OTUD7A: variants seen among roughly 807,000 people sequenced by gnomAD.
OTUD7A encodes the protein OTU domain-containing protein 7A.
A neutral mutation model predicts 65.7 loss-of-function variants in OTUD7A; 12 were observed. The observed-to-expected ratio is 0.18, with a 90% CI of 0.12 to 0.30. The LOEUF is 0.30. OTUD7A is among the 10% of genes least tolerant of loss of function. The pLI is 1.00. For synonymous variants in OTUD7A, 641 were observed against 586.3 expected, an observed-to-expected ratio of 1.09 and a Z score of -1.35; for missense variants, 1,148 against 1,304.8, an observed-to-expected ratio of 0.88 and a Z score of 1.85.
At chr15:31,771,495 C>T (rs763125756) in intron 1 of OTUD7A, among the ~76,000 whole-genome samples, 22 of 152,172 alleles carry the variant, frequency 1.4e-4, no homozygotes, top group Non-Finnish European at 2.6e-4. Flanking sequence ...CCTTGCATCA[C>T]GTATGCAATT....
At chr15:31,486,947 T>C (rs1363627297) in intron 12 of OTUD7A, among the ~76,000 whole-genome samples, 1 of 152,190 alleles carries the variant, frequency 6.6e-6, no homozygotes, top group Non-Finnish European at 1.5e-5. Flanking sequence ...TACATGTGTG[T>C]ACACAGCCAC....
At chr15:31,639,509 G>A (rs1172112211) in intron 3 of OTUD7A, among the ~76,000 whole-genome samples, 2 of 148,958 alleles carry the variant, frequency 1.3e-5, no homozygotes, top group Non-Finnish European at 3.0e-5. Context: ...AAAGGCTTTC[G>A]GTTTTCTTAA....
intron 4 of OTUD7A, among the ~76,000 whole-genome samples, chr15:31,563,358 T>A (rs1341377385): frequency 6.6e-6 from 1 of 152,178 alleles, no homozygotes; most frequent in Non-Finnish European, 1.5e-5. Flanking sequence ...GAAGGGGTGG[T>A]TCCTCTGGAG....
At chr15:31,855,120 C>G (rs1250542199) in intron 1 of OTUD7A, among the ~76,000 whole-genome samples, 2 of 151,650 alleles carry the variant, frequency 1.3e-5, no homozygotes, top group African/African-American at 2.4e-5. Context: ...TACAAGAAAA[C>G]TTCTGAAATA....
At chr15:31,602,848 A>C (rs1236817234) in intron 3 of OTUD7A, among the ~76,000 whole-genome samples, 9 of 152,158 alleles carry the variant, frequency 5.9e-5, no homozygotes, top group Non-Finnish European at 1.0e-4. Context: ...CACAATTGCT[A>C]CTAAGGGAAT....
At chr15:31,802,097 GTA>G (rs879678129) in intron 1 of OTUD7A, among the ~76,000 whole-genome samples, 1,688 of 67,282 alleles carry the variant, frequency 0.025, 27 homozygotes, top group African/African-American at 0.065. Flanking sequence ...ATATGTGTGT[GTA>G]TATATGTGTG....
intron 10 of OTUD7A, among the ~76,000 whole-genome samples, chr15:31,496,503 T>C (rs1052585774): frequency 3.3e-5 from 5 of 152,214 alleles, no homozygotes; most frequent in Non-Finnish European, 7.4e-5. Flanking sequence ...ATTACAGGCA[T>C]GAGCCACCGC....
intron 1 of OTUD7A, among the ~76,000 whole-genome samples, chr15:31,673,173 C>T (rs1201711412): frequency 6.6e-6 from 1 of 152,166 alleles, no homozygotes; most frequent in African/African-American, 2.4e-5. Flanking sequence ...ATCGTTAAGT[C>T]CAGAAGCTCC....
intron 1 of OTUD7A, among the ~76,000 whole-genome samples, chr15:31,869,859 T>C (rs1016647820): frequency 1.3e-5 from 2 of 152,196 alleles, no homozygotes; most frequent in African/African-American, 4.8e-5. Context: ...AAAGGAGCAC[T>C]TAAAGCACCG....
At chr15:31,787,582 T>C (rs1895707377) in intron 1 of OTUD7A, 1 of 152,294 alleles carries the variant, frequency 6.6e-6, no homozygotes, top group African/African-American at 2.4e-5. Context: ...CATCAACAAC[T>C]TTCTCAACAT....
At chr15:31,707,942 T>C (rs1893345082) in intron 1 of OTUD7A, among the ~76,000 whole-genome samples, 2 of 152,078 alleles carry the variant, frequency 1.3e-5, no homozygotes, top group South Asian at 2.1e-4. Context: ...AAATATAATA[T>C]ATACAAAGTA....
intron 3 of OTUD7A, among the ~76,000 whole-genome samples, chr15:31,638,378 C>CTTTTTT (rs34239466): frequency 7.4e-6 from 1 of 134,574 alleles, no homozygotes. Flanking sequence ...ATAAAGATAA[C>CTTTTTT]TTTTTTTTTT....
Position 31,484,470 on chromosome 15 carries a change from G to GAGGCCGCCC in OTUD7A, c.1617_1625dup (p.Gly543_Leu545dup), listed in dbSNP as rs1424664826. 1.2e-6 allele frequency: 2 copies of GAGGCCGCCC among 1,606,236 alleles called. No homozygotes were observed. Among genetic ancestry groups the GAGGCCGCCC allele is most frequent in the Admixed American group, 1.7e-5 (1 of 60,020 alleles). On this transcript the variant is annotated inframe_insertion, in exon 13 of 13. Coordinates refer to ENST00000307050, the MANE Select transcript of OTUD7A (RefSeq NM_001382637.1). This position sits in a 1 kb window ranked among gnomAD's most constrained non-coding sequence, Gnocchi z 4.5. ...CCATCTTGCCGTGCACCAGGCCGCCGAGGCCGCCCATGTTTTTCTTCAGCT... is the reference window on the plus strand; with the variant it reads ...CCATCTTGCCGTGCACCAGGCCGCCGAGGCCGCCCAGGCCGCCCATGTTTTTCTTCAGCT...
At chr15:31,741,049 C>T (rs1894329731) in intron 1 of OTUD7A, among the ~76,000 whole-genome samples, 1 of 152,144 alleles carries the variant, frequency 6.6e-6, no homozygotes, top group Admixed American at 6.5e-5. Flanking sequence ...CTGCAGAATA[C>T]AAAATGCTCT....
At chr15:31,735,533 C>CAAA (rs71113418) in intron 1 of OTUD7A, among the ~76,000 whole-genome samples, 4 of 134,668 alleles carry the variant, frequency 3.0e-5, no homozygotes, top group East Asian at 2.2e-4. Context: ...AACTCTGTCT[C>CAAA]AAAAAAAAAA....
chr15:31,488,892 G>C (rs1212293063), intron 10 of OTUD7A, among the ~76,000 whole-genome samples: 1 of 152,216 alleles, frequency 6.6e-6, no homozygotes, highest in Non-Finnish European at 1.5e-5. Flanking sequence ...GACCAGCTCC[G>C]GGCTTTTCAT....
chr15:31,617,402 G>A (rs1187448165), intron 3 of OTUD7A, among the ~76,000 whole-genome samples: 1 of 152,066 alleles, frequency 6.6e-6, no homozygotes, highest in Non-Finnish European at 1.5e-5. Flanking sequence ...CAGAAGAATT[G>A]CTTGAACCCG....
chr15:31,743,205 T>C (rs1040728703), intron 1 of OTUD7A, among the ~76,000 whole-genome samples: 2 of 152,020 alleles, frequency 1.3e-5, no homozygotes, highest in East Asian at 3.9e-4. Context: ...CATATGCTGA[T>C]CCACCAAACA....
intron 1 of OTUD7A, among the ~76,000 whole-genome samples, chr15:31,794,503 T>C (rs771853743): frequency 2.5e-4 from 4 of 15,866 alleles, no homozygotes; most frequent in Non-Finnish European, 4.6e-4. Flanking sequence ...AGGTATAATA[T>C]GGGGGAGGGA....
Sources: gnomAD v4.1 joint callset for allele counts (sites outside exome capture counted in the v4.1 genomes callset) on GRCh38, gnomAD v4.1.1 for gene constraint, Gnocchi (gnomAD v3.1) non-coding constraint, MANE v1.5 for transcripts, NCBI Gene and HGNC (gene_info 2026-07-23, HGNC 2026-07-21) for gene names.